DAB1: variants seen among roughly 807,000 people sequenced by gnomAD.
DAB1 encodes the protein disabled homolog 1.
DAB1 carries 15 observed loss-of-function variants against 64.6 expected under a neutral mutation model. The ratio of observed to expected loss-of-function variants is 0.23; its 90% CI spans 0.16 to 0.36. DAB1 has a LOEUF of 0.36. DAB1 is among the 10% of genes least tolerant of loss of function. The pLI is 1.00. For synonymous variants in DAB1, 235 were observed against 251.9 expected (o/e 0.93, Z 0.64); for missense variants, 596 against 706.7 (o/e 0.84, Z 1.78).
chr1:57,311,378 C>G (rs1444857150), intron 1 of DAB1, among the ~76,000 whole-genome samples: 1 of 152,050 alleles, frequency 6.6e-6, no homozygotes, highest in Non-Finnish European at 1.5e-5. Flanking sequence ...CCTGAGCACA[C>G]TGGGAAACTG....
At chr1:57,643,654 T>C (rs1177736371) in intron 7 of DAB1, among the ~76,000 whole-genome samples, 1 of 152,222 alleles carries the variant, frequency 6.6e-6, no homozygotes, top group African/African-American at 2.4e-5. Context: ...TTTACTATGG[T>C]AGATCCTGAA....
At chr1:57,365,076 T>A (rs1291533281) in intron 1 of DAB1, among the ~76,000 whole-genome samples, 4 of 145,344 alleles carry the variant, frequency 2.8e-5, no homozygotes, top group Non-Finnish European at 6.0e-5. Flanking sequence ...ACTTTATATA[T>A]ATATATAAAG....
intron 7 of DAB1, among the ~76,000 whole-genome samples, chr1:57,606,868 C>A (rs1446403350): frequency 6.7e-6 from 1 of 149,716 alleles, no homozygotes; most frequent in Non-Finnish European, 1.5e-5. Flanking sequence ...CGGCTCACTG[C>A]AACCTCCACC....
intron 4 of DAB1, among the ~76,000 whole-genome samples, chr1:57,128,163 AT>A (rs5774329): frequency 0.06 from 6,239 of 103,686 alleles, 181 homozygotes; most frequent in Non-Finnish European, 0.066. Context: ...AAATAAATAA[AT>A]AAATAAATAA....
chr1:58,508,461 C>G (rs1646023552), intron 2 of DAB1, among the ~76,000 whole-genome samples: 1 of 152,160 alleles, frequency 6.6e-6, no homozygotes, highest in Non-Finnish European at 1.5e-5. Flanking sequence ...TGCACCTGCA[C>G]AAGTACGAAA....
chr1:57,068,575 C>T (rs1025685239), intron 8 of DAB1, among the ~76,000 whole-genome samples: 1 of 152,094 alleles, frequency 6.6e-6, no homozygotes, highest in African/African-American at 2.4e-5. Flanking sequence ...TTTTCTTCCC[C>T]TATAATGTTT....
intron 1 of DAB1, among the ~76,000 whole-genome samples, chr1:57,330,440 T>C (rs940985457): frequency 6.6e-6 from 1 of 152,140 alleles, no homozygotes; most frequent in Non-Finnish European, 1.5e-5. Context: ...TGCTGTATCA[T>C]TTACTAGCTG....
chr1:58,404,356 A>C (rs1366425282), intron 3 of DAB1, among the ~76,000 whole-genome samples: 1 of 152,216 alleles, frequency 6.6e-6, no homozygotes, highest in African/African-American at 2.4e-5. Flanking sequence ...TTGTGGCCTT[A>C]GTGGAATATT....
chr1:57,634,181 T>C (rs1646024658), intron 7 of DAB1, among the ~76,000 whole-genome samples: 1 of 152,214 alleles, frequency 6.6e-6, no homozygotes, highest in South Asian at 2.1e-4. Flanking sequence ...AGTTAACATC[T>C]CATAGCCTCA....
chr1:58,340,977 G>C (rs1336336723), intron 4 of DAB1, among the ~76,000 whole-genome samples: 1 of 152,156 alleles, frequency 6.6e-6, no homozygotes, highest in Non-Finnish European at 1.5e-5. Flanking sequence ...GTGTGCTTGA[G>C]GGCTATGCTG....
At chr1:57,143,637 T>A (rs1444910373) in intron 3 of DAB1, among the ~76,000 whole-genome samples, 1 of 152,106 alleles carries the variant, frequency 6.6e-6, no homozygotes, top group Non-Finnish European at 1.5e-5. Flanking sequence ...AAAATCATGA[T>A]TCTTAGAGCC....
chr1:57,429,323 T>C (rs1002152467), intron 7 of DAB1, among the ~76,000 whole-genome samples: 2 of 152,240 alleles, frequency 1.3e-5, no homozygotes, highest in Non-Finnish European at 2.9e-5. Context: ...TTTGCCCGTT[T>C]TAAAAATAAG....
chr1:57,143,739 A>T (rs1010075995), intron 3 of DAB1, among the ~76,000 whole-genome samples: 1 of 152,090 alleles, frequency 6.6e-6, no homozygotes, highest in African/African-American at 2.4e-5. Context: ...TTTACTCAGC[A>T]TCTATGAAAG....
intron 6 of DAB1, among the ~76,000 whole-genome samples, chr1:57,717,312 A>C (rs1409609863): frequency 6.6e-6 from 1 of 151,984 alleles, no homozygotes; most frequent in African/African-American, 2.4e-5. Flanking sequence ...CCACAGATAC[A>C]TGAAAAAAAT....
intron 1 of DAB1, among the ~76,000 whole-genome samples, chr1:58,536,340 T>C (rs1389999719): frequency 1.3e-5 from 2 of 151,966 alleles, no homozygotes; most frequent in African/African-American, 2.4e-5. Flanking sequence ...GGAAAAGCAA[T>C]GTAGGCAGTA....
intron 5 of DAB1, among the ~76,000 whole-genome samples, chr1:58,103,419 C>T (rs1054776588): frequency 4.6e-5 from 7 of 152,006 alleles, no homozygotes; most frequent in East Asian, 1.9e-4. Flanking sequence ...CTTCGTAGCA[C>T]GAAGGCTACC....
intron 7 of DAB1, among the ~76,000 whole-genome samples, chr1:57,635,785 T>G (rs556214904): frequency 2.0e-4 from 30 of 152,136 alleles, no homozygotes; most frequent in Non-Finnish European, 4.4e-5. Flanking sequence ...TGGGGACCGC[T>G]GCTCTAATCT....
intron 5 of DAB1, among the ~76,000 whole-genome samples, chr1:58,106,099 T>G (rs554089685): frequency 1.3e-5 from 2 of 151,730 alleles, no homozygotes; most frequent in South Asian, 4.2e-4. Flanking sequence ...CTTCCTTCCT[T>G]CCTTCCTTCC....
At chr1:58,489,634 A>G (rs1422977039) in intron 3 of DAB1, among the ~76,000 whole-genome samples, 2 of 152,214 alleles carry the variant, frequency 1.3e-5, no homozygotes, top group Non-Finnish European at 2.9e-5. Flanking sequence ...GAGAACAGAC[A>G]GACTGCCTCC....
Sources: gnomAD v4.1 joint callset for allele counts (sites outside exome capture counted in the v4.1 genomes callset) on GRCh38, gnomAD v4.1.1 for gene constraint, MANE v1.5 for transcripts, NCBI Gene and HGNC (gene_info 2026-07-23, HGNC 2026-07-21) for gene names.